DLG2: variants seen among roughly 807,000 people sequenced by gnomAD.
The protein encoded by DLG2 is disks large homolog 2.
A neutral mutation model predicts 132.5 loss-of-function variants in DLG2; 45 were observed. The observed-to-expected ratio is 0.34, with a 90% CI of 0.27 to 0.44. The LOEUF is 0.44. Ranked by LOEUF, DLG2 falls within the 20% of genes least tolerant of loss-of-function variation. The probability of loss-of-function intolerance (pLI) is 1.00; values close to 1 mark genes in which losing one functional copy is unlikely to be tolerated. For synonymous variants in DLG2, 424 were observed against 419.6 expected, an observed-to-expected ratio of 1.01 and a Z score of -0.13; for missense variants, 1,045 against 1,196.9, an observed-to-expected ratio of 0.87 and a Z score of 1.87.
At chr11:84,438,654 A>G (rs2099008389) in intron 7 of DLG2, among the ~76,000 whole-genome samples, 1 of 152,124 alleles carries the variant, frequency 6.6e-6, no homozygotes, top group East Asian at 1.9e-4. Context: ...AGTTTAGACT[A>G]TTATGTGAGG....
At chr11:83,973,187 AAT>A (rs563030276) in intron 12 of DLG2, among the ~76,000 whole-genome samples, 3 of 152,252 alleles carry the variant, frequency 2.0e-5, no homozygotes, top group Admixed American at 2.0e-4. Context: ...TTAGCATAGT[AAT>A]ATATATGTAA....
At chr11:84,467,078 A>G (rs556460209) in intron 7 of DLG2, among the ~76,000 whole-genome samples, 69 of 151,418 alleles carry the variant, frequency 4.6e-4, no homozygotes, top group Non-Finnish European at 9.0e-4. Flanking sequence ...TATCTAGCAC[A>G]AAGATCTTGG....
chr11:83,914,160 TG>T (rs1565617028), intron 15 of DLG2, among the ~76,000 whole-genome samples: 1 of 152,062 alleles, frequency 6.6e-6, no homozygotes, highest in African/African-American at 2.4e-5. Flanking sequence ...GTTTTGGTTG[TG>T]GGGGCAGATC....
At chr11:83,730,003 T>C (rs1419711197) in intron 18 of DLG2, among the ~76,000 whole-genome samples, 1 of 152,156 alleles carries the variant, frequency 6.6e-6, no homozygotes, top group Non-Finnish European at 1.5e-5. Flanking sequence ...ACAAACTTTT[T>C]TTAATTGTAG....
chr11:85,350,722 T>C (rs1433843037), intron 3 of DLG2, among the ~76,000 whole-genome samples: 1 of 152,178 alleles, frequency 6.6e-6, no homozygotes, highest in Non-Finnish European at 1.5e-5. Context: ...TGGTTGTAGA[T>C]GTGTGGTATT....
intron 21 of DLG2, among the ~76,000 whole-genome samples, chr11:83,485,853 C>T (rs1591645877): frequency 6.6e-6 from 1 of 152,030 alleles, no homozygotes; most frequent in Non-Finnish European, 1.5e-5. Context: ...TGCTGTCACT[C>T]GGTAAGTAAT....
At chr11:84,025,468 T>C (rs2095513855) in intron 11 of DLG2, among the ~76,000 whole-genome samples, 1 of 152,148 alleles carries the variant, frequency 6.6e-6, no homozygotes, top group South Asian at 2.1e-4. Context: ...CCAAACCATA[T>C]CAGCTCCTCA....
chr11:83,874,622 G>T (rs1037021033), intron 15 of DLG2, 134 bp from the exon 16 acceptor site: 1 of 519,758 alleles, frequency 1.9e-6, no homozygotes, highest in South Asian at 3.8e-5. Context: ...GTGCCATGTT[G>T]GTGTGCTGCA....
chr11:84,443,244 C>T (rs1200710130), intron 7 of DLG2, among the ~76,000 whole-genome samples: 1 of 152,110 alleles, frequency 6.6e-6, no homozygotes, highest in African/African-American at 2.4e-5. Context: ...ACCTTCCATC[C>T]AGATTTAATA....
At chr11:85,258,136 A>C (rs1461691899) in intron 4 of DLG2, among the ~76,000 whole-genome samples, 3 of 152,190 alleles carry the variant, frequency 2.0e-5, no homozygotes, top group African/African-American at 7.2e-5. Context: ...GTAATATGTA[A>C]TTTGTGGCCT....
chr11:84,747,237 TTTTAA>T (rs977019641), intron 6 of DLG2, among the ~76,000 whole-genome samples: 8 of 135,628 alleles, frequency 5.9e-5, no homozygotes, highest in African/African-American at 1.8e-4. Context: ...CAATTCCCTT[TTTTAA>T]TTTTTTTATT....
rs59829516 is a variant in DLG2, at chr11:83,566,712, G to GGTGTGTGTGT, written c.1941-24864_1941-24855dup. Reference sequence around the variant, plus strand: ...GATAAAAGCTAAGGGCAGAGGGCATGGTGTGTGTGTGTGTGTGTGTGTGTG... The same window carrying GGTGTGTGTGT: ...GATAAAAGCTAAGGGCAGAGGGCATGGTGTGTGTGTGTGTGTGTGTGTGTGTGTGTGTGTG... On this transcript the variant is annotated intron_variant, in intron 19 of 27. Transcript: ENST00000376104. Among the ~76,000 whole-genome samples the GGTGTGTGTGT allele has an allele frequency of 3.0e-3, 438 of 144,042 alleles. 1 individual carries two copies. The highest frequency in any genetic ancestry group is 7.4e-3 in the African/African-American group (294 of 39,700). 94.5% of individuals were successfully genotyped at this position (144,042 alleles called of 152,430 possible). A position where few individuals can be genotyped will look rare whatever the true frequency, so the allele number is the denominator to read the frequency against.
chr11:83,498,235 A>G (rs1233410317), intron 21 of DLG2, among the ~76,000 whole-genome samples: 2 of 152,154 alleles, frequency 1.3e-5, no homozygotes, highest in African/African-American at 4.8e-5. Context: ...AAATGTGATA[A>G]CATATTAATA....
chr11:84,467,841 C>G (rs1041162061), intron 7 of DLG2, among the ~76,000 whole-genome samples: 1 of 151,372 alleles, frequency 6.6e-6, no homozygotes, highest in Non-Finnish European at 1.5e-5. Context: ...TCAAATTGTT[C>G]TGTGAAGATA....
intron 3 of DLG2, among the ~76,000 whole-genome samples, chr11:85,426,698 G>A (rs1565475964): frequency 6.6e-6 from 1 of 152,248 alleles, no homozygotes; most frequent in African/African-American, 2.4e-5. Flanking sequence ...AGAAAAACTG[G>A]AAACTCTAAA....
intron 16 of DLG2, among the ~76,000 whole-genome samples, chr11:83,843,227 C>A (rs1420755406): frequency 3.3e-5 from 5 of 152,172 alleles, no homozygotes; most frequent in Non-Finnish European, 7.3e-5. Context: ...CCAGGTTGTT[C>A]CTCCTTGTCT....
At chr11:85,561,143 G>T (rs1006534724) in intron 3 of DLG2, among the ~76,000 whole-genome samples, 1 of 150,296 alleles carries the variant, frequency 6.7e-6, no homozygotes, top group African/African-American at 2.4e-5. Context: ...ATCATTTAAG[G>T]GCAAGAGTTT....
chr11:83,679,384 G>A (rs930148494), intron 18 of DLG2, among the ~76,000 whole-genome samples: 3 of 152,220 alleles, frequency 2.0e-5, no homozygotes, highest in Admixed American at 6.5e-5. Context: ...GGCAAATAAC[G>A]TGGAAAGCTA....
chr11:85,207,613 T>C (rs1259917029), intron 4 of DLG2, among the ~76,000 whole-genome samples: 1 of 152,168 alleles, frequency 6.6e-6, no homozygotes, highest in Admixed American at 6.6e-5. Context: ...TGTGTCAAAT[T>C]TTATTTAAAT....
Sources: allele counts gnomAD v4.1 joint callset (sites outside exome capture counted in the v4.1 genomes callset), GRCh38; gene constraint gnomAD v4.1.1; transcripts MANE v1.5; gene names NCBI Gene and HGNC (gene_info 2026-07-23, HGNC 2026-07-21).